Variants in ANKRD55 observed in about 807,000 individuals in gnomAD.
The protein encoded by ANKRD55 is ankyrin repeat domain 55.
Under a neutral mutation model 60.6 loss-of-function variants are expected in ANKRD55, and 41 were observed. The observed-to-expected ratio is 0.68, with a 90% CI of 0.53 to 0.88. The LOEUF is 0.88. Among genes scored for constraint, ANKRD55 ranks in the 40% least tolerant of loss-of-function variants. ANKRD55 has a pLI of 0.00. For missense variants in ANKRD55, 732 were observed against 767.6 expected (o/e 0.95, Z 0.55); for synonymous variants, 264 against 290.3 (o/e 0.91, Z 0.92).
intron 9 of ANKRD55, among the ~76,000 whole-genome samples, 172 bp downstream of exon 9, chr5:56,116,443 C>A (rs1374042621): frequency 6.6e-6 from 1 of 152,150 alleles, no homozygotes; most frequent in African/African-American, 2.4e-5. Context: ...TAGATAATGG[C>A]AAACGTTAAT....
intron 3 of ANKRD55, among the ~76,000 whole-genome samples, chr5:56,181,397 A>AT (rs934773649): frequency 6.6e-6 from 1 of 151,622 alleles, no homozygotes; most frequent in African/African-American, 2.4e-5. Flanking sequence ...GTCTATTCCT[A>AT]TTTTTCTGAG....
intron 6 of ANKRD55, among the ~76,000 whole-genome samples, chr5:56,156,065 A>G (rs1278380287): frequency 6.6e-6 from 1 of 152,140 alleles, no homozygotes; most frequent in Non-Finnish European, 1.5e-5. Context: ...GAGATGAGGT[A>G]GCACACTCTG....
intron 2 of ANKRD55, among the ~76,000 whole-genome samples, chr5:56,222,847 AC>A (rs1279329620): frequency 6.6e-6 from 1 of 152,224 alleles, no homozygotes; most frequent in East Asian, 1.9e-4. Flanking sequence ...GAAATATGGG[AC>A]TATGTGAAAA....
At chr5:56,166,114 C>CTT (rs200717458) in intron 5 of ANKRD55, among the ~76,000 whole-genome samples, 2 of 55,562 alleles carry the variant, frequency 3.6e-5, no homozygotes, top group South Asian at 1.2e-3. Context: ...TTCTTTCTTT[C>CTT]TTTCTTTCTT....
At chr5:56,166,302 G>C (rs975214335) in intron 5 of ANKRD55, among the ~76,000 whole-genome samples, 1 of 149,680 alleles carries the variant, frequency 6.7e-6, no homozygotes, top group East Asian at 2.0e-4. Context: ...CTGTCGCCCA[G>C]GTTGGATTAC....
At chr5:56,221,068 C>A (rs956712319) in intron 2 of ANKRD55, among the ~76,000 whole-genome samples, 2 of 152,150 alleles carry the variant, frequency 1.3e-5, no homozygotes, top group Non-Finnish European at 2.9e-5. Flanking sequence ...TCACAGAATT[C>A]TCCTCAATGT....
intron 2 of ANKRD55, among the ~76,000 whole-genome samples, chr5:56,188,508 T>C (rs1054730390): frequency 1.1e-4 from 16 of 152,230 alleles, no homozygotes; most frequent in Admixed American, 3.3e-4. Flanking sequence ...TGGTGAGAGA[T>C]AGGGGTCTAG....
chr5:56,167,252 T>A (rs533171305), intron 5 of ANKRD55, among the ~76,000 whole-genome samples: 1 of 152,354 alleles, frequency 6.6e-6, no homozygotes, highest in East Asian at 1.9e-4. Flanking sequence ...TACACACCTA[T>A]GCTATATGGT....
chr5:56,120,452 G>C (rs970268542), intron 8 of ANKRD55, among the ~76,000 whole-genome samples: 1 of 152,188 alleles, frequency 6.6e-6, no homozygotes, highest in African/African-American at 2.4e-5. Context: ...CCTCAGGGGA[G>C]GAATATTGCA....
chr5:56,103,663 TA>T (rs1316504939), intron 10 of ANKRD55, among the ~76,000 whole-genome samples: 1 of 152,150 alleles, frequency 6.6e-6, no homozygotes, highest in African/African-American at 2.4e-5. Context: ...TCATGAGGAT[TA>T]AACTGGAGAA....
In ANKRD55 at chr5:56,102,517, A is replaced by T. The variant is rs1382770803; in HGVS notation, c.1700T>A (p.Leu567Gln). The T allele has an allele frequency of 1.9e-6, 3 of 1,613,542 alleles. No homozygotes were observed. Among genetic ancestry groups the T allele is most frequent in the Non-Finnish European group, 2.5e-6 (3 of 1,179,552 alleles). Residue 567 changes from leucine (L) to glutamine (Q), a missense_variant, in exon 11 of 12, where the codon CTA becomes CAA. By Grantham distance (113) the Leu-to-Gln change is moderately radical. This residue lies in a region of ANKRD55 where 597 missense variants were observed against 607.5 expected (regional missense o/e 0.98). Transcript: ENST00000341048. ...IRDLPFTRNN[L>Q]APLPDQKFLS... ...ACATTTTTGATCTGGTAGGGGAGCT[A>T]GGTTGTTCCGAGTGAAAGGAAGATC...
At chr5:56,131,795 CAAAAAAAAAAAA>C (rs34898025) in intron 7 of ANKRD55, among the ~76,000 whole-genome samples, 432 of 26,804 alleles carry the variant, frequency 0.016, 4 homozygotes, top group African/African-American at 0.053. Context: ...GACTCCGTCT[CAAAAAAAAAAAA>C]AAAAAAAAAA....
intron 9 of ANKRD55, among the ~76,000 whole-genome samples, chr5:56,113,035 C>T (rs1341947911): frequency 1.3e-5 from 2 of 152,114 alleles, no homozygotes; most frequent in African/African-American, 4.8e-5. Flanking sequence ...CAGGGCACTT[C>T]CGACGCTCAA....
intron 5 of ANKRD55, among the ~76,000 whole-genome samples, chr5:56,168,828 C>T (rs1201469278): frequency 6.6e-6 from 1 of 152,210 alleles, no homozygotes; most frequent in Admixed American, 6.5e-5. Context: ...CACCTACCAC[C>T]CCCCTACATT....
intron 7 of ANKRD55, among the ~76,000 whole-genome samples, chr5:56,141,604 A>G (rs1300599866): frequency 2.0e-5 from 3 of 152,214 alleles, no homozygotes; most frequent in Admixed American, 2.0e-4. Flanking sequence ...GTAGCTGAAC[A>G]TGTGGAGGTT....
At chr5:56,193,647 C>A (rs191877090) in intron 2 of ANKRD55, 22 of 282,614 alleles carry the variant, frequency 7.8e-5, no homozygotes, top group African/African-American at 4.7e-4. Flanking sequence ...GAAAGAAAAT[C>A]ATGAATGAAC....
chr5:56,119,529 G>A (rs1450623453), intron 8 of ANKRD55, among the ~76,000 whole-genome samples: 1 of 152,148 alleles, frequency 6.6e-6, no homozygotes, highest in Non-Finnish European at 1.5e-5. Flanking sequence ...ATTCATGCAT[G>A]TTAAAACACA....
At chr5:56,175,074 C>T (rs1384882637) in intron 4 of ANKRD55, among the ~76,000 whole-genome samples, 1 of 152,146 alleles carries the variant, frequency 6.6e-6, no homozygotes, top group South Asian at 2.1e-4. Context: ...CTGTGGACCA[C>T]AGTTTGAAAA....
At chr5:56,204,922 A>T (rs1220671937) in intron 2 of ANKRD55, among the ~76,000 whole-genome samples, 1 of 152,204 alleles carries the variant, frequency 6.6e-6, no homozygotes, top group Non-Finnish European at 1.5e-5. Flanking sequence ...GGCATTTGCC[A>T]TTTTAACTGC....
Sources: allele counts gnomAD v4.1 joint callset (sites outside exome capture counted in the v4.1 genomes callset), GRCh38; gene constraint gnomAD v4.1.1; regional missense constraint gnomAD v4.1.1; transcripts MANE v1.5; gene names NCBI Gene and HGNC (gene_info 2026-07-23, HGNC 2026-07-21).